Variants in RPTOR observed in about 807,000 individuals in gnomAD.
RPTOR encodes the protein regulatory associated protein of MTOR complex 1, also known as regulatory-associated protein of mTOR.
In RPTOR, 21 loss-of-function variants were observed where a neutral mutation model predicts 169.9. That is an observed-to-expected ratio of 0.12 (90% CI 0.09 to 0.18). The LOEUF is 0.18. Among genes scored for constraint, RPTOR ranks in the 10% least tolerant of loss-of-function variants. RPTOR has a pLI of 1.00. For missense variants in RPTOR, 1,133 were observed against 1,855.9 expected (o/e 0.61, Z 7.16); for synonymous variants, 732 against 753.2 (o/e 0.97, Z 0.46).
At chr17:80,842,777 T>G (rs11869734) in intron 10 of RPTOR, among the ~76,000 whole-genome samples, 1 of 152,176 alleles carries the variant, frequency 6.6e-6, no homozygotes, top group Non-Finnish European at 1.5e-5. Context: ...GCTAGCAGCT[T>G]GTGTGTTTCC....
intron 17 of RPTOR, among the ~76,000 whole-genome samples, chr17:80,885,633 T>A (rs1435642172): frequency 6.6e-6 from 1 of 152,192 alleles, no homozygotes; most frequent in African/African-American, 2.4e-5. Flanking sequence ...AAGCTCCGCC[T>A]CCCGGGTTCA....
chr17:80,550,257 A>G (rs2084328432), intron 1 of RPTOR, among the ~76,000 whole-genome samples: 1 of 151,564 alleles, frequency 6.6e-6, no homozygotes, highest in Non-Finnish European at 1.5e-5. Context: ...TTCTTATTTC[A>G]CCTCTCAGCA....
intron 3 of RPTOR, among the ~76,000 whole-genome samples, chr17:80,667,962 G>A (rs888161230): frequency 3.3e-5 from 5 of 152,200 alleles, no homozygotes; most frequent in African/African-American, 7.2e-5. Flanking sequence ...CAAAAATGCC[G>A]TGGGCAGAAC....
chr17:80,697,469 G>A (rs1041438365), intron 3 of RPTOR, among the ~76,000 whole-genome samples: 1 of 152,212 alleles, frequency 6.6e-6, no homozygotes, highest in Non-Finnish European at 1.5e-5. Context: ...TGTCTGCCTA[G>A]GCATTTGACT....
At chr17:80,623,113 A>C (rs1244293097) in intron 1 of RPTOR, among the ~76,000 whole-genome samples, 1 of 151,920 alleles carries the variant, frequency 6.6e-6, no homozygotes. Context: ...CATGAAAATC[A>C]ACTGCAAAGA....
At chr17:80,698,983 T>TC (rs2066060493) in intron 3 of RPTOR, among the ~76,000 whole-genome samples, 1 of 152,242 alleles carries the variant, frequency 6.6e-6, no homozygotes, top group African/African-American at 2.4e-5. Context: ...TCCCCCAGCA[T>TC]CTGCCTCGAG....
At chr17:80,705,101 C>A (rs1413537985) in intron 3 of RPTOR, among the ~76,000 whole-genome samples, 1 of 152,260 alleles carries the variant, frequency 6.6e-6, no homozygotes, top group African/African-American at 2.4e-5. Context: ...GCACTTCCTC[C>A]TTCCCTGTGG....
At chr17:80,962,163 C>T (rs1482073732) in intron 31 of RPTOR, among the ~76,000 whole-genome samples, 2 of 152,202 alleles carry the variant, frequency 1.3e-5, no homozygotes, top group Non-Finnish European at 2.9e-5. Context: ...CAGGAGCTCA[C>T]AGCCTCCTCC....
chr17:80,645,268 G>A (rs2065585811), intron 3 of RPTOR, among the ~76,000 whole-genome samples: 1 of 152,170 alleles, frequency 6.6e-6, no homozygotes, highest in Non-Finnish European at 1.5e-5. Context: ...CACATGGCAT[G>A]TCGTTAACCA....
chr17:80,739,347 C>T (rs1163014055), intron 5 of RPTOR, among the ~76,000 whole-genome samples: 2 of 152,198 alleles, frequency 1.3e-5, no homozygotes, highest in African/African-American at 4.8e-5. Flanking sequence ...CTCACCCATC[C>T]TCTCCAGCAT....
Position 80,752,571 on chromosome 17 carries a change from T to C in RPTOR, c.655-1439T>C, listed in dbSNP as rs534761800. Among the ~76,000 whole-genome samples, 16 of 152,364 alleles carry C rather than the reference T, an allele frequency of 1.1e-4. No homozygotes were observed. The South Asian group carries it at 3.3e-3, about 32-fold the overall frequency. On this transcript the variant is annotated intron_variant, in intron 5 of 33. Coordinates refer to ENST00000306801, the MANE Select transcript of RPTOR (RefSeq NM_020761.3). The stretch of plus-strand genomic sequence containing the variant: ...TGCCAGGAATTCTTGTGAACTTCAT[T>C]ATTTCTGAAAACGACAGCAAAACCT...
intron 6 of RPTOR, among the ~76,000 whole-genome samples, chr17:80,780,572 C>T (rs1408895431): frequency 6.6e-6 from 1 of 152,106 alleles, no homozygotes; most frequent in Non-Finnish European, 1.5e-5. Flanking sequence ...CTGCTGTAGG[C>T]GGATGTTGTC....
At chr17:80,898,302 T>TC (rs1567975698) in intron 20 of RPTOR, among the ~76,000 whole-genome samples, 2 of 151,266 alleles carry the variant, frequency 1.3e-5, no homozygotes, top group African/African-American at 4.9e-5. Context: ...CTTTTACTGA[T>TC]ATTCCCAATC....
Position 80,841,678 on chromosome 17 carries a change from ACT to A in RPTOR, c.1212+3683_1212+3684del, listed in dbSNP as rs1469773542. Among the ~76,000 whole-genome samples the A allele has an allele frequency of 2.9e-3, 141 of 49,420 alleles. 4 individuals are homozygous for A. Among genetic ancestry groups the A allele is most frequent in the African/African-American group, 0.012 (134 of 11,228 alleles). 32.4% of individuals were successfully genotyped at this position (49,420 alleles called of 152,430 possible). A position where few individuals can be genotyped will look rare whatever the true frequency, so the allele number is the denominator to read the frequency against. On this transcript the variant is annotated intron_variant, in intron 10 of 33. Transcript: ENST00000306801. ...TCACTCTCACCGCGCCGCAGCTCAC[ACT>A]CACCGCACGGCATCTCACTCTCACC...
At chr17:80,809,773 T>C (rs1341476484) in intron 7 of RPTOR, among the ~76,000 whole-genome samples, 1 of 152,138 alleles carries the variant, frequency 6.6e-6, no homozygotes, top group Non-Finnish European at 1.5e-5. Context: ...GTGTGGTGGC[T>C]CACGTCTGTA....
intron 3 of RPTOR, among the ~76,000 whole-genome samples, chr17:80,675,854 A>G (rs931546871): frequency 6.6e-6 from 1 of 152,108 alleles, no homozygotes; most frequent in African/African-American, 2.4e-5. Context: ...AATCCACCAC[A>G]TTGCTGGACA....
At chr17:80,622,044 C>G (rs1368001423) in intron 1 of RPTOR, among the ~76,000 whole-genome samples, 1 of 152,202 alleles carries the variant, frequency 6.6e-6, no homozygotes, top group African/African-American at 2.4e-5. Context: ...GGCCTATTCT[C>G]TTTGCAGATT....
chr17:80,785,453 A>G (rs1400320024), intron 6 of RPTOR, among the ~76,000 whole-genome samples: 5 of 152,198 alleles, frequency 3.3e-5, no homozygotes, highest in Admixed American at 1.3e-4. Context: ...TAAAAAGAGG[A>G]GAACTGTTTC....
At chr17:80,822,889 A>G (rs1217327479) in intron 8 of RPTOR, among the ~76,000 whole-genome samples, 190 bp from the exon 9 acceptor site, 1 of 151,684 alleles carries the variant, frequency 6.6e-6, no homozygotes, top group Admixed American at 6.6e-5. Context: ...ATGTGTGTAC[A>G]TTTGTGCACG....
Sources: gnomAD v4.1 joint callset for allele counts (sites outside exome capture counted in the v4.1 genomes callset) on GRCh38, gnomAD v4.1.1 for gene constraint, MANE v1.5 for transcripts, NCBI Gene and HGNC (gene_info 2026-07-23, HGNC 2026-07-21) for gene names.